UMAD1: variants seen among roughly 807,000 people sequenced by gnomAD.
UMAD1 encodes the protein UBAP1-MVB12-associated (UMA) domain containing 1.
Under a neutral mutation model 6.1 loss-of-function variants are expected in UMAD1, and 8 were observed. The ratio of observed to expected loss-of-function variants is 1.30; its 90% CI spans 0.76 to 2.35. The LOEUF (loss-of-function observed/expected upper bound fraction) is 2.35, where lower values mean the gene tolerates loss of function less well. Ranked by LOEUF, UMAD1 falls within the 30% of genes most tolerant of loss-of-function variation. The pLI is 0.00. For synonymous variants in UMAD1, 56 were observed against 31.4 expected (o/e 1.78, Z -2.61); for missense variants, 130 against 78.4 (o/e 1.66, Z -2.49).
intron 2 of UMAD1, among the ~76,000 whole-genome samples, chr7:7,683,055 A>T (rs1057465493): frequency 6.6e-6 from 1 of 152,190 alleles, no homozygotes; most frequent in Non-Finnish European, 1.5e-5. Context: ...AACTCCTTGA[A>T]TGTACAGTGA....
chr7:7,812,110 C>T (rs1275618257), intron 3 of UMAD1, among the ~76,000 whole-genome samples: 2 of 152,122 alleles, frequency 1.3e-5, no homozygotes, highest in East Asian at 1.9e-4. Flanking sequence ...ATTGAAAGGT[C>T]ATAATTCTGG....
intron 3 of UMAD1, among the ~76,000 whole-genome samples, chr7:7,871,807 C>T (rs1004791592): frequency 1.1e-4 from 16 of 151,280 alleles, no homozygotes; most frequent in African/African-American, 3.7e-4. Flanking sequence ...ACATTCTTGT[C>T]CTCAAGGAAT....
chr7:7,730,419 G>C (rs189251515), intron 2 of UMAD1, among the ~76,000 whole-genome samples: 1 of 152,242 alleles, frequency 6.6e-6, no homozygotes, highest in East Asian at 1.9e-4. Flanking sequence ...CATGTTTGCT[G>C]CTTCTTGCAC....
intron 2 of UMAD1, among the ~76,000 whole-genome samples, chr7:7,716,589 A>C (rs1181110693): frequency 6.6e-6 from 1 of 152,198 alleles, no homozygotes; most frequent in African/African-American, 2.4e-5. Context: ...CGTGCACAGT[A>C]AAGAGGCAGG....
At chr7:7,869,906 A>C (rs12668141) in intron 3 of UMAD1, among the ~76,000 whole-genome samples, 68,161 of 151,954 alleles carry the variant, frequency 0.45, 15,620 homozygotes, top group Admixed American at 0.55. Context: ...CATTTTTCCA[A>C]CCCTTTGCTG....
intron 2 of UMAD1, among the ~76,000 whole-genome samples, chr7:7,727,901 T>C (rs1451598596): frequency 6.6e-6 from 1 of 152,220 alleles, no homozygotes; most frequent in African/African-American, 2.4e-5. Flanking sequence ...GATTGTGTGA[T>C]TTAATGCTCC....
intron 3 of UMAD1, among the ~76,000 whole-genome samples, chr7:7,822,766 A>G (rs1468922218): frequency 2.0e-5 from 3 of 152,216 alleles, no homozygotes; most frequent in African/African-American, 7.2e-5. Context: ...TGCCCCTGTC[A>G]TTCTCTTTTT....
intron 2 of UMAD1, among the ~76,000 whole-genome samples, chr7:7,717,440 G>A (rs556011510): frequency 7.9e-5 from 12 of 152,304 alleles, no homozygotes; most frequent in Non-Finnish European, 1.6e-4. Context: ...GGCGTGAGAC[G>A]ATAACCTCAG....
chr7:7,759,050 C>T (rs998171622), intron 2 of UMAD1, among the ~76,000 whole-genome samples: 1 of 152,176 alleles, frequency 6.6e-6, no homozygotes, highest in Admixed American at 6.5e-5. Context: ...AATTGCACTT[C>T]TTACATGGTT....
intron 2 of UMAD1, among the ~76,000 whole-genome samples, chr7:7,766,192 T>G (rs78007423): frequency 1.5e-3 from 231 of 152,314 alleles, no homozygotes; most frequent in Middle Eastern, 6.8e-3. Flanking sequence ...TACTTGTCTG[T>G]TTTTCTCCCA....
chr7:7,651,552 T>G (rs577731012), intron 1 of UMAD1, among the ~76,000 whole-genome samples: 1 of 152,322 alleles, frequency 6.6e-6, no homozygotes, highest in South Asian at 2.1e-4. Flanking sequence ...GTACGTATTT[T>G]TCCATCCTCA....
chr7:7,677,675 T>G (rs370485453), intron 2 of UMAD1, among the ~76,000 whole-genome samples: 71,028 of 123,032 alleles, frequency 0.58, 19,693 homozygotes, highest in East Asian at 0.77. Flanking sequence ...TTTTTTTTTT[T>G]TTTTTTTTTT....
At chr7:7,758,184 C>T (rs1781816469) in intron 2 of UMAD1, among the ~76,000 whole-genome samples, 1 of 152,042 alleles carries the variant, frequency 6.6e-6, no homozygotes, top group South Asian at 2.1e-4. Context: ...GCTATGGTTA[C>T]GGGCATGAGC....
chr7:7,876,867 A>C (rs1330974317), intron 3 of UMAD1, among the ~76,000 whole-genome samples: 2 of 152,222 alleles, frequency 1.3e-5, no homozygotes, highest in Non-Finnish European at 2.9e-5. Flanking sequence ...ATAACATCTT[A>C]GGCAATTTGC....
chr7:7,824,426 T>C (rs1361200748), intron 3 of UMAD1, among the ~76,000 whole-genome samples: 1 of 152,192 alleles, frequency 6.6e-6, no homozygotes, highest in African/African-American at 2.4e-5. Context: ...TTTTGTTCAT[T>C]TTTCCCTCTG....
chr7:7,668,031 C>G (rs1186801451), intron 1 of UMAD1, among the ~76,000 whole-genome samples: 1 of 152,136 alleles, frequency 6.6e-6, no homozygotes, highest in African/African-American at 2.4e-5. Flanking sequence ...GTCCTCCAAC[C>G]TCAGCCTCCC....
intron 2 of UMAD1, chr7:7,742,539 T>A (rs1781492752): frequency 1.9e-6 from 1 of 522,516 alleles, no homozygotes; most frequent in East Asian, 5.1e-5. Context: ...GGGCAGGAGC[T>A]TCCTTCTTCG....
chr7:7,757,794 CTCAAAGCTT>C (rs1375154234), intron 2 of UMAD1, among the ~76,000 whole-genome samples: 1 of 152,098 alleles, frequency 6.6e-6, no homozygotes, highest in African/African-American at 2.4e-5. Context: ...GCAGAAAAAG[CTCAAAGCTT>C]TCAATGCCTG....
intron 2 of UMAD1, among the ~76,000 whole-genome samples, chr7:7,751,639 A>T (rs558045211): frequency 6.6e-6 from 1 of 152,260 alleles, no homozygotes; most frequent in East Asian, 1.9e-4. Context: ...CCTGGGCTTG[A>T]GCCAAGGACC....
Sources: gnomAD v4.1 joint callset for allele counts (sites outside exome capture counted in the v4.1 genomes callset) on GRCh38, gnomAD v4.1.1 for gene constraint, MANE v1.5 for transcripts, NCBI Gene and HGNC (gene_info 2026-07-23, HGNC 2026-07-21) for gene names.